The following FNIP2 variants were observed in gnomAD, a reference collection of about 807,000 sequenced individuals.
FNIP2 encodes folliculin interacting protein 2.
A neutral mutation model predicts 108.7 loss-of-function variants in FNIP2; 32 were observed. That is an observed-to-expected ratio of 0.29 (90% CI 0.22 to 0.40). The LOEUF is 0.40. FNIP2 is among the 10% of genes least tolerant of loss of function. The pLI, the probability that FNIP2 is intolerant of heterozygous loss-of-function variation, is 1.00. For missense variants in FNIP2, 1,202 were observed against 1,381.6 expected (o/e 0.87, Z 2.06); for synonymous variants, 480 against 496.7 (o/e 0.97, Z 0.45).
chr4:158,774,171 G>GA (rs956585749), intron 1 of FNIP2, among the ~76,000 whole-genome samples: 4 of 152,136 alleles, frequency 2.6e-5, no homozygotes, highest in African/African-American at 9.7e-5. Flanking sequence ...AAATTTATGT[G>GA]AAAAACATTT....
At chr4:158,834,023 T>G (rs1252703650) in intron 6 of FNIP2, 1 of 461,828 alleles carries the variant, frequency 2.2e-6, no homozygotes, top group Non-Finnish European at 3.4e-6. Context: ...TGGTTTCAAA[T>G]GCGGCCAAAT....
chr4:158,865,371 T>G (rs1472644218), intron 12 of FNIP2, among the ~76,000 whole-genome samples: 3 of 152,166 alleles, frequency 2.0e-5, no homozygotes, highest in Admixed American at 6.5e-5. Context: ...ATATTTAATA[T>G]TATGGGTCTA....
At chr4:158,815,532 G>A (rs889531924) in intron 1 of FNIP2, among the ~76,000 whole-genome samples, 1 of 151,906 alleles carries the variant, frequency 6.6e-6, no homozygotes, top group African/African-American at 2.4e-5. Context: ...ACAGGCGCCC[G>A]CCACCACGCC....
At chr4:158,855,681 C>T (rs563743300) in intron 8 of FNIP2, among the ~76,000 whole-genome samples, 47 of 152,210 alleles carry the variant, frequency 3.1e-4, no homozygotes, top group Middle Eastern at 3.4e-3. Flanking sequence ...CTCTTGACCT[C>T]GTGATCCTCC....
chr4:158,850,390 C>A (rs913672165), intron 7 of FNIP2, among the ~76,000 whole-genome samples: 2 of 151,850 alleles, frequency 1.3e-5, no homozygotes, highest in Non-Finnish European at 2.9e-5. Context: ...AGTAGATGTT[C>A]ATCAAGCAGC....
At chr4:158,866,983 GTAA>G (rs1292621375) in intron 12 of FNIP2, among the ~76,000 whole-genome samples, 1 of 152,244 alleles carries the variant, frequency 6.6e-6, no homozygotes, top group Non-Finnish European at 1.5e-5. Context: ...ATTATAAAAT[GTAA>G]TAATCAAATT....
In FNIP2 at chr4:158,833,514, A is replaced by G. The variant is rs1333920085; in HGVS notation, c.555-14A>G. The G allele has an allele frequency of 6.5e-7, 1 of 1,534,236 alleles. No homozygotes were observed. The highest frequency in any genetic ancestry group is 2.2e-5 in the East Asian group (1 of 44,460). Reference sequence around the variant, plus strand: ...TGTCCTCTTTCTCCTTTTCCCCCCCATCTCCGGATATAGCTTGCAAGACAG... The same window carrying G: ...TGTCCTCTTTCTCCTTTTCCCCCCCGTCTCCGGATATAGCTTGCAAGACAG... On this transcript the variant is annotated splice_polypyrimidine_tract_variant and intron_variant, in intron 5 of 16. Transcript: ENST00000264433.
At chr4:158,888,610 T>A (rs1782136369) in intron 14 of FNIP2, among the ~76,000 whole-genome samples, 1 of 152,138 alleles carries the variant, frequency 6.6e-6, no homozygotes. Context: ...CTCCAGTGAT[T>A]TAAAAATGAC....
At chr4:158,882,364 C>G (rs1317488617) in intron 14 of FNIP2, among the ~76,000 whole-genome samples, 2 of 150,902 alleles carry the variant, frequency 1.3e-5, no homozygotes, top group Middle Eastern at 3.3e-3. Context: ...CCAGCCGCCC[C>G]GTCCGGGAGG....
intron 1 of FNIP2, chr4:158,806,241 T>C: frequency 1.5e-5 from 19 of 1,289,264 alleles, no homozygotes; most frequent in Non-Finnish European, 1.8e-5. Flanking sequence ...ATTAAACCGT[T>C]CAGGAGATGT....
chr4:158,804,902 C>A (rs1776889223), intron 1 of FNIP2, among the ~76,000 whole-genome samples: 1 of 152,082 alleles, frequency 6.6e-6, no homozygotes, highest in South Asian at 2.1e-4. Flanking sequence ...TTAGCATGTG[C>A]CACAGAGAAT....
intron 1 of FNIP2, among the ~76,000 whole-genome samples, chr4:158,785,345 A>G (rs1323310793): frequency 2.0e-5 from 3 of 152,074 alleles, no homozygotes; most frequent in African/African-American, 4.8e-5. Context: ...TAGCCTCCCA[A>G]GGTGCTGGGA....
At chr4:158,827,983 AG>A (rs202033707) in intron 2 of FNIP2, among the ~76,000 whole-genome samples, 351 of 152,260 alleles carry the variant, frequency 2.3e-3, no homozygotes, top group African/African-American at 7.7e-3. Flanking sequence ...AAGCTACACA[AG>A]GAAAAAAAAA....
intron 16 of FNIP2, among the ~76,000 whole-genome samples, chr4:158,897,776 C>G (rs879373196): frequency 6.6e-6 from 1 of 152,116 alleles, no homozygotes; most frequent in Non-Finnish European, 1.5e-5. Flanking sequence ...AATTTTCTCC[C>G]ATTCTGTAAG....
Position 158,833,587 on chromosome 4 carries a change from A to G in FNIP2, c.614A>G (p.Asn205Ser). 1 of 1,611,478 alleles carries G rather than the reference A, an allele frequency of 6.2e-7. No homozygotes were observed. Among genetic ancestry groups the G allele is most frequent in the Non-Finnish European group, 8.5e-7 (1 of 1,179,256 alleles). ...QDPNLGKLNT[N>S]QNSLGPCRTG... ...CCTAATTTGGGAAAACTGAACACAAATCAAAATAGTTTGGGTCCTTGTCGT... is the reference window on the plus strand; with the variant it reads ...CCTAATTTGGGAAAACTGAACACAAGTCAAAATAGTTTGGGTCCTTGTCGT... Residue 205 changes from asparagine to serine, a missense_variant, in exon 6 of 17, where the codon AAT (asparagine) becomes AGT (serine). By Grantham distance (46) the Asn-to-Ser change is conservative (BLOSUM62 1). Around this residue, in one of 5 missense-constraint regions of FNIP2, gnomAD observed 878 missense variants for 990.3 expected, o/e 0.89. Coordinates refer to ENST00000264433, the MANE Select transcript of FNIP2 (RefSeq NM_020840.3).
intron 1 of FNIP2, chr4:158,795,772 A>G (rs1578832099): frequency 6.6e-6 from 1 of 152,404 alleles, no homozygotes; most frequent in East Asian, 1.9e-4. Flanking sequence ...CAGCAGCGGC[A>G]TTAGATTCTC....
chr4:158,841,368 G>A (rs910694622), intron 7 of FNIP2, among the ~76,000 whole-genome samples: 1 of 152,192 alleles, frequency 6.6e-6, no homozygotes, highest in Admixed American at 6.5e-5. Context: ...GGAAGAGGGA[G>A]AGGAGGGTAA....
At chr4:158,825,787 G>T in intron 1 of FNIP2, 129 bp from the exon 2 acceptor site, 1 of 1,127,206 alleles carries the variant, frequency 8.9e-7, no homozygotes, top group Admixed American at 2.0e-5. Context: ...GTTCTGAGGG[G>T]ATCACTAGCC....
chr4:158,843,634 T>G (rs1380686037), intron 7 of FNIP2, among the ~76,000 whole-genome samples: 1 of 152,154 alleles, frequency 6.6e-6, no homozygotes, highest in Admixed American at 6.5e-5. Flanking sequence ...TGAATGGCAG[T>G]AGGGACCAAC....
Sources: allele counts gnomAD v4.1 joint callset (sites outside exome capture counted in the v4.1 genomes callset), GRCh38; gene constraint gnomAD v4.1.1; regional missense constraint gnomAD v4.1.1; transcripts MANE v1.5; gene names NCBI Gene and HGNC (gene_info 2026-07-23, HGNC 2026-07-21).